AKAP19: variants seen among roughly 807,000 people sequenced by gnomAD.
The protein encoded by AKAP19 is small A-kinase anchoring protein.
chr2:190,136,649 A>G, the AKAP19 span, among the ~76,000 whole-genome samples: 1 of 152,218 alleles, frequency 6.6e-6, no homozygotes, highest in Non-Finnish European at 1.5e-5. Flanking sequence ...ATGCAGAGCC[A>G]GAGCCTTCTG....
At chr2:189,982,664 C>CTTTTT in the AKAP19 span, among the ~76,000 whole-genome samples, 1 of 143,872 alleles carries the variant, frequency 7.0e-6, no homozygotes, top group African/African-American at 2.6e-5. Context: ...GGAACCTTAA[C>CTTTTT]TTTTTTTTTT....
chr2:189,974,178 T>C, the AKAP19 span, among the ~76,000 whole-genome samples: 1 of 152,218 alleles, frequency 6.6e-6, no homozygotes. Context: ...TGGTATGTTG[T>C]GTCTTTGTTC....
the AKAP19 span, among the ~76,000 whole-genome samples, chr2:190,191,298 A>C: frequency 1.3e-5 from 2 of 152,066 alleles, no homozygotes; most frequent in Non-Finnish European, 1.5e-5. Flanking sequence ...GTGCACCACT[A>C]TGCCCTGCTA....
At chr2:189,911,232 G>A in the AKAP19 span, among the ~76,000 whole-genome samples, 10 of 152,080 alleles carry the variant, frequency 6.6e-5, no homozygotes, top group Non-Finnish European at 1.2e-4. Flanking sequence ...GACACAAAAA[G>A]CTGAGATGTG....
At chr2:190,013,110 T>C in the AKAP19 span, among the ~76,000 whole-genome samples, 4 of 152,206 alleles carry the variant, frequency 2.6e-5, no homozygotes, top group African/African-American at 9.6e-5. Flanking sequence ...TTGGCATCAT[T>C]GTAATGCTGG....
chr2:190,117,113 A>G, the AKAP19 span, among the ~76,000 whole-genome samples: 1 of 152,016 alleles, frequency 6.6e-6, no homozygotes, highest in Non-Finnish European at 1.5e-5. Context: ...TCTCCTTGTT[A>G]TTTTTCTTTA....
chr2:189,882,626 G>A, the AKAP19 span, among the ~76,000 whole-genome samples: 7 of 152,066 alleles, frequency 4.6e-5, no homozygotes, highest in Non-Finnish European at 8.8e-5. Flanking sequence ...AAACAATAGG[G>A]CAAAGGAAGC....
the AKAP19 span, among the ~76,000 whole-genome samples, chr2:190,006,666 AG>A: frequency 7.0e-6 from 1 of 143,700 alleles, no homozygotes; most frequent in African/African-American, 2.5e-5. Context: ...GCTAGCTATA[AG>A]CAAAATTCTA....
chr2:190,063,881 T>G, the AKAP19 span, among the ~76,000 whole-genome samples: 1 of 152,070 alleles, frequency 6.6e-6, no homozygotes, highest in Non-Finnish European at 1.5e-5. Flanking sequence ...TCTAGTCAAA[T>G]GAACTATTAA....
At chr2:189,979,010 G>A in the AKAP19 span, among the ~76,000 whole-genome samples, 2 of 151,560 alleles carry the variant, frequency 1.3e-5, no homozygotes, top group African/African-American at 2.4e-5. Context: ...ACCACCCAAA[G>A]CAATCTATAG....
the AKAP19 span, among the ~76,000 whole-genome samples, chr2:189,951,306 A>G: frequency 6.0e-5 from 9 of 149,136 alleles, no homozygotes; most frequent in Non-Finnish European, 1.3e-4. Flanking sequence ...GGTTCAAGCA[A>G]TACTCCTGCC....
chr2:189,917,666 A>T, the AKAP19 span: 350 of 301,086 alleles, frequency 1.2e-3, 1 homozygote, highest in Non-Finnish European at 1.9e-3. Flanking sequence ...CTATTTCGGT[A>T]TCATTACCAT....
the AKAP19 span, among the ~76,000 whole-genome samples, chr2:190,039,824 C>A: frequency 6.6e-6 from 1 of 152,134 alleles, no homozygotes; most frequent in African/African-American, 2.4e-5. Flanking sequence ...CCTCCAGCTC[C>A]ATCCATGTTC....
At chr2:190,071,436 T>C in the AKAP19 span, among the ~76,000 whole-genome samples, 2 of 152,252 alleles carry the variant, frequency 1.3e-5, no homozygotes, top group Admixed American at 1.3e-4. Flanking sequence ...CTATTGCCTG[T>C]GGTATAATAT....
the AKAP19 span, among the ~76,000 whole-genome samples, chr2:190,187,168 G>T: frequency 2.8e-5 from 4 of 143,366 alleles, no homozygotes; most frequent in East Asian, 8.0e-4. Context: ...ATATATATAT[G>T]CATAAAACTT....
At chr2:190,101,134 G>A in the AKAP19 span, among the ~76,000 whole-genome samples, 305 of 152,270 alleles carry the variant, frequency 2.0e-3, 2 homozygotes, top group African/African-American at 6.5e-3. Context: ...CCATTCTTTG[G>A]CATCCTGGCA....
the AKAP19 span, among the ~76,000 whole-genome samples, chr2:190,054,481 T>C: frequency 5.3e-5 from 8 of 152,084 alleles, no homozygotes; most frequent in Non-Finnish European, 1.2e-4. Flanking sequence ...AAAGCCAAAA[T>C]TGACAAATGG....
the AKAP19 span, among the ~76,000 whole-genome samples, chr2:190,116,021 T>C: frequency 1.2e-3 from 182 of 152,354 alleles, no homozygotes; most frequent in Non-Finnish European, 2.0e-3. Flanking sequence ...AGCTATAATT[T>C]CTACGCAAAC....
chr2:190,107,676 T>C, the AKAP19 span, among the ~76,000 whole-genome samples: 2 of 152,280 alleles, frequency 1.3e-5, no homozygotes, highest in East Asian at 3.9e-4. Flanking sequence ...GGCGTGGGTA[T>C]CTCAAGAAAT....
Sources: allele counts gnomAD v4.1 joint callset (sites outside exome capture counted in the v4.1 genomes callset), GRCh38; gene constraint gnomAD v4.1.1; transcripts MANE v1.5; gene names NCBI Gene and HGNC (gene_info 2026-07-23, HGNC 2026-07-21).